OSBPL10: variants seen among roughly 807,000 people sequenced by gnomAD.
OSBPL10 encodes the protein oxysterol binding protein like 10.
In OSBPL10, 49 loss-of-function variants were observed where a neutral mutation model predicts 81.7. The observed-to-expected ratio is 0.60, with a 90% CI of 0.48 to 0.76. The LOEUF (loss-of-function observed/expected upper bound fraction) is 0.76, where lower values mean the gene tolerates loss of function less well. Ranked by LOEUF, OSBPL10 falls within the 30% of genes least tolerant of loss-of-function variation. The pLI is 0.00. For missense variants in OSBPL10, 923 were observed against 987.8 expected, an observed-to-expected ratio of 0.93 and a Z score of 0.88; for synonymous variants, 419 against 383.6, an observed-to-expected ratio of 1.09 and a Z score of -1.08.
intron 4 of OSBPL10, among the ~76,000 whole-genome samples, chr3:31,819,212 C>G (rs1699923203): frequency 6.6e-6 from 1 of 152,200 alleles, no homozygotes; most frequent in Admixed American, 6.5e-5. Flanking sequence ...CTCTCCCATT[C>G]TGGCCTACCC....
intron 1 of OSBPL10, among the ~76,000 whole-genome samples, chr3:31,905,368 T>TTTTTTTTTTTTTTTTTTTTTA (rs869077578): frequency 1.3e-5 from 2 of 148,296 alleles, no homozygotes; most frequent in African/African-American, 2.5e-5. Context: ...TTTTTTTTTT[T>TTTTTTTTTTTTTTTTTTTTTA]AGACGGACTC....
At chr3:31,989,838 A>G in intron 2 of OSBPL10, 1 of 1,614,182 alleles carries the variant, frequency 6.2e-7, no homozygotes, top group East Asian at 2.2e-5. Flanking sequence ...TAATCTATTT[A>G]GGAGGGAAAC....
intron 3 of OSBPL10, among the ~76,000 whole-genome samples, chr3:31,870,444 C>T (rs1227074520): frequency 6.6e-6 from 1 of 152,238 alleles, no homozygotes; most frequent in Non-Finnish European, 1.5e-5. Flanking sequence ...CGACGAGCGC[C>T]GCCCCCTACT....
chr3:31,693,693 G>C (rs1695624951), intron 7 of OSBPL10, among the ~76,000 whole-genome samples: 1 of 152,184 alleles, frequency 6.6e-6, no homozygotes. Flanking sequence ...TGGTCAAATG[G>C]CAGAGCTGAA....
At chr3:31,968,644 T>C (rs891641608) in intron 1 of OSBPL10, among the ~76,000 whole-genome samples, 3 of 152,236 alleles carry the variant, frequency 2.0e-5, no homozygotes, top group African/African-American at 7.2e-5. Flanking sequence ...CCTATCCTAT[T>C]AATCAACATG....
intron 6 of OSBPL10, among the ~76,000 whole-genome samples, chr3:31,704,462 T>G (rs1695996984): frequency 1.3e-5 from 2 of 152,222 alleles, no homozygotes; most frequent in African/African-American, 4.8e-5. Context: ...GGCATTCTGC[T>G]TTGGGAAGAA....
intron 7 of OSBPL10, among the ~76,000 whole-genome samples, chr3:31,701,417 C>T (rs1695889957): frequency 6.6e-6 from 1 of 152,218 alleles, no homozygotes; most frequent in African/African-American, 2.4e-5. Flanking sequence ...TGCTTCTCTA[C>T]CCTACCACAG....
chr3:31,995,129 A>G (rs1046714073), intron 2 of OSBPL10, among the ~76,000 whole-genome samples: 15 of 152,234 alleles, frequency 9.9e-5, no homozygotes, highest in East Asian at 1.9e-4. Context: ...GTAAGGGTCT[A>G]TGTTCAGCAG....
chr3:31,920,592 G>GGATGGTA (rs1349727182), intron 1 of OSBPL10, among the ~76,000 whole-genome samples: 1 of 152,176 alleles, frequency 6.6e-6, no homozygotes, highest in Non-Finnish European at 1.5e-5. Flanking sequence ...TTAAGTAGAT[G>GGATGGTA]GATGGTAGAT....
At chr3:31,715,555 G>T (rs1004056450) in intron 6 of OSBPL10, among the ~76,000 whole-genome samples, 1 of 152,188 alleles carries the variant, frequency 6.6e-6, no homozygotes, top group African/African-American at 2.4e-5. Context: ...AGTGGGAAGA[G>T]ATTATTTTGA....
chr3:31,976,188 G>C (rs1218710963), intron 1 of OSBPL10, among the ~76,000 whole-genome samples: 2 of 152,158 alleles, frequency 1.3e-5, no homozygotes, highest in Non-Finnish European at 2.9e-5. Context: ...ACCAGAAAGT[G>C]CCTACTTAAA....
rs1575498928 is a variant in OSBPL10, at chr3:31,720,494, C to T, written c.1095+12763G>A. Among the ~76,000 whole-genome samples, 6 of 152,282 alleles carry T rather than the reference C, an allele frequency of 3.9e-5. No individual in the cohort carries two copies. The Middle Eastern group carries it at 0.02, about 518-fold the overall frequency. ...GCTTTCCTCAACAGGAGCAATAGAA[C>T]AACTTGCTTAATTTCCACCAGCCAG... On this transcript the variant is annotated intron_variant, in intron 6 of 11. Coordinates refer to ENST00000396556, the MANE Select transcript of OSBPL10 (RefSeq NM_017784.5).
chr3:31,917,290 T>C (rs1696785370), intron 1 of OSBPL10, among the ~76,000 whole-genome samples: 1 of 152,184 alleles, frequency 6.6e-6, no homozygotes, highest in Admixed American at 6.5e-5. Context: ...AATGAGAAAG[T>C]AATTCAATCT....
Position 31,761,813 on chromosome 3 carries a change from T to TAAAAAAAAAAAAAAAAAAAAAAAAAAA in OSBPL10, c.730-13694_730-13693insTTTTTTTTTTTTTTTTTTTTTTTTTTT, listed in dbSNP as rs34579457. Among the ~76,000 whole-genome samples, 35 of 107,510 alleles carry TAAAAAAAAAAAAAAAAAAAAAAAAAAA rather than the reference T, an allele frequency of 3.3e-4. 1 individual carries two copies. Among genetic ancestry groups the TAAAAAAAAAAAAAAAAAAAAAAAAAAA allele is most frequent in the African/African-American group, 7.0e-4 (11 of 15,696 alleles). 70.5% of individuals were successfully genotyped at this position (107,510 alleles called of 152,430 possible). A position where few individuals can be genotyped will look rare whatever the true frequency, so the allele number is the denominator to read the frequency against. On this transcript the variant is annotated intron_variant, in intron 4 of 11. Transcript: ENST00000396556. ...CTGGGCAACAGAGCAAGACTGTCTC[T>TAAAAAAAAAAAAAAAAAAAAAAAAAAA]AAAAAAAAAAAAAAAAAACCCTAAA...
intron 1 of OSBPL10, among the ~76,000 whole-genome samples, chr3:31,934,473 A>G (rs190484973): frequency 3.3e-5 from 5 of 151,454 alleles, no homozygotes; most frequent in Non-Finnish European, 2.9e-5. Context: ...CAATGGCACA[A>G]TCTCGGCTCA....
At chr3:31,990,021 C>A in intron 2 of OSBPL10, 1 of 1,614,108 alleles carries the variant, frequency 6.2e-7, no homozygotes, top group Non-Finnish European at 8.5e-7. Context: ...AGAAACCTTA[C>A]AAATGTGAAG....
intron 1 of OSBPL10, among the ~76,000 whole-genome samples, chr3:31,943,314 A>T (rs1697588107): frequency 6.6e-6 from 1 of 152,186 alleles, no homozygotes; most frequent in East Asian, 1.9e-4. Context: ...GCTACAATGA[A>T]CCTTGCCATA....
chr3:31,918,486 A>T (rs1311141895), intron 1 of OSBPL10, among the ~76,000 whole-genome samples: 3 of 150,166 alleles, frequency 2.0e-5, no homozygotes, highest in Non-Finnish European at 3.0e-5. Flanking sequence ...GCTCCAGAGC[A>T]GTTTTGTGTC....
intron 10 of OSBPL10, among the ~76,000 whole-genome samples, chr3:31,665,238 A>C (rs772289961): frequency 4.6e-5 from 7 of 152,182 alleles, no homozygotes; most frequent in Non-Finnish European, 8.8e-5. Context: ...CCCATGATAA[A>C]TCAGGACACC....
Sources: gnomAD v4.1 joint callset for allele counts (sites outside exome capture counted in the v4.1 genomes callset) on GRCh38, gnomAD v4.1.1 for gene constraint, MANE v1.5 for transcripts, NCBI Gene and HGNC (gene_info 2026-07-23, HGNC 2026-07-21) for gene names.